ULK4: variants seen among roughly 807,000 people sequenced by gnomAD.
ULK4 encodes the protein inactive serine/threonine-protein kinase ULK4.
Under a neutral mutation model 160.6 loss-of-function variants are expected in ULK4, and 133 were observed. That is an observed-to-expected ratio of 0.83 (90% confidence interval 0.72 to 0.96). The LOEUF (loss-of-function observed/expected upper bound fraction) is 0.96. ULK4 is among the 40% of genes least tolerant of loss of function. The probability of loss-of-function intolerance (pLI) is 0.00; values close to 1 mark genes in which losing one functional copy is unlikely to be tolerated. For missense variants in ULK4, 1,580 were observed against 1,499.5 expected, an observed-to-expected ratio of 1.05 and a Z score of -0.89; for synonymous variants, 534 against 539.8, an observed-to-expected ratio of 0.99 and a Z score of 0.15.
At chr3:41,573,506 G>C (rs1406553633) in intron 31 of ULK4, among the ~76,000 whole-genome samples, 2 of 152,138 alleles carry the variant, frequency 1.3e-5, no homozygotes, top group African/African-American at 2.4e-5. Context: ...AAGTAACAGT[G>C]AACCATGGTC....
At chr3:41,453,815 G>GA in intron 34 of ULK4, among the ~76,000 whole-genome samples, 2 of 151,860 alleles carry the variant, frequency 1.3e-5, no homozygotes, top group East Asian at 3.9e-4. Flanking sequence ...GGATATCATA[G>GA]AAAAATTCCA....
chr3:41,632,942 G>A (rs2033807042), intron 30 of ULK4, among the ~76,000 whole-genome samples: 1 of 152,168 alleles, frequency 6.6e-6, no homozygotes, highest in East Asian at 1.9e-4. Flanking sequence ...GCAGGTGGAG[G>A]AAAGTGCATG....
At chr3:41,334,634 G>A (rs9862900) in intron 35 of ULK4, among the ~76,000 whole-genome samples, 1 of 152,176 alleles carries the variant, frequency 6.6e-6, no homozygotes, top group Admixed American at 6.5e-5. Context: ...TCCACTTCCA[G>A]GGCTCTCCAA....
In ULK4 at chr3:41,663,668, C is replaced by G. The variant is rs1320475602; in HGVS notation, c.3010G>C (p.Val1004Leu). The change falls in exon 30 of 37, where the codon GTA (valine) becomes CTA (leucine). Residue 1004 changes from valine to leucine, a missense_variant. Transcript: ENST00000301831. ...AGCAGTTTCAGAGCATATGCTGGTA[C>G]TGGGTCAGGTTCTAAAAGAATGTGC... ...YEHILLEPDPVPAYALKLLVA... is the reference protein window; with the variant it reads ...YEHILLEPDPLPAYALKLLVA... The G allele has an allele frequency of 6.2e-7, 1 of 1,613,890 alleles. No individual in the cohort carries two copies. Among genetic ancestry groups the G allele is most frequent in the East Asian group, 2.2e-5 (1 of 44,834 alleles).
intron 1 of ULK4, chr3:41,961,802 T>G (rs1700684055): frequency 6.6e-6 from 1 of 152,494 alleles, no homozygotes; most frequent in South Asian, 2.1e-4. Flanking sequence ...GCGTCCCGTG[T>G]GCCCTTAACT....
chr3:41,808,950 C>A (rs1227906150), intron 19 of ULK4, among the ~76,000 whole-genome samples: 2 of 152,064 alleles, frequency 1.3e-5, no homozygotes, highest in African/African-American at 4.8e-5. Flanking sequence ...GGGCGGATCA[C>A]GAGGTCAGAA....
intron 15 of ULK4, among the ~76,000 whole-genome samples, chr3:41,896,195 G>A (rs1194246194): frequency 2.0e-5 from 3 of 152,172 alleles, no homozygotes; most frequent in Non-Finnish European, 4.4e-5. Flanking sequence ...ATTCCACATG[G>A]GGAGTTCATT....
At chr3:41,664,021 A>G (rs1438241218) in intron 29 of ULK4, among the ~76,000 whole-genome samples, 1 of 152,226 alleles carries the variant, frequency 6.6e-6, no homozygotes, top group East Asian at 1.9e-4. Context: ...AAAAACATAC[A>G]GACTCTGAAA....
chr3:41,264,445 G>T (rs1004906180), intron 35 of ULK4, among the ~76,000 whole-genome samples: 10 of 152,252 alleles, frequency 6.6e-5, no homozygotes, highest in African/African-American at 9.6e-5. Flanking sequence ...CTTGGTGGAG[G>T]TGTGAGCCAG....
At position 41,754,349 on chromosome 3, in the gene ULK4, A is replaced by C. The variant is rs9867627; in HGVS notation, c.2321+12T>G. On this transcript the variant is annotated intron_variant, in intron 22 of 36. Coordinates refer to ENST00000301831, the MANE Select transcript of ULK4 (RefSeq NM_017886.4). ...TTGAAGTTACTGATGAAACCATCAG[A>C]GAAAATCTTACCTTGCTTGGCAACT... 283,314 of 1,606,560 alleles carry C rather than the reference A, an allele frequency of 0.18. 27,021 individuals are homozygous for C. The highest frequency in any genetic ancestry group is 0.36 in the African/African-American group (27,159 of 74,444).
At chr3:41,373,228 C>A (rs796258604) in intron 35 of ULK4, among the ~76,000 whole-genome samples, 1 of 151,988 alleles carries the variant, frequency 6.6e-6, no homozygotes, top group African/African-American at 2.4e-5. Flanking sequence ...GGCAGATCAA[C>A]GAAACAGAAA....
chr3:41,859,629 G>T, intron 17 of ULK4: 1 of 473,288 alleles, frequency 2.1e-6, no homozygotes, highest in Non-Finnish European at 4.1e-6. Context: ...CTGCCCCACC[G>T]CTTCATTTCC....
intron 32 of ULK4, among the ~76,000 whole-genome samples, chr3:41,531,747 G>T (rs965232211): frequency 4.9e-4 from 75 of 152,132 alleles, no homozygotes; most frequent in African/African-American, 1.8e-3. Flanking sequence ...GAGTCAAATA[G>T]AGTAGAAATT....
At chr3:41,324,937 CAT>C (rs1198293412) in intron 35 of ULK4, among the ~76,000 whole-genome samples, 1 of 152,082 alleles carries the variant, frequency 6.6e-6, no homozygotes, top group Non-Finnish European at 1.5e-5. Flanking sequence ...GTTGGAAAAA[CAT>C]AGGCACCACG....
At chr3:41,342,699 A>T (rs182074819) in intron 35 of ULK4, among the ~76,000 whole-genome samples, 30 of 152,282 alleles carry the variant, frequency 2.0e-4, no homozygotes, top group African/African-American at 7.0e-4. Flanking sequence ...CTGATACCAA[A>T]ACCTGGCAGA....
chr3:41,556,487 C>CT (rs34888775), intron 32 of ULK4, among the ~76,000 whole-genome samples: 59,289 of 115,672 alleles, frequency 0.51, 16,337 homozygotes, highest in East Asian at 0.6. Context: ...CTCTACCAAA[C>CT]TTTTTTTTTT....
intron 35 of ULK4, among the ~76,000 whole-genome samples, chr3:41,345,647 G>C (rs1274684324): frequency 1.3e-5 from 2 of 152,152 alleles, no homozygotes; most frequent in Non-Finnish European, 2.9e-5. Context: ...GCGGGAAGGA[G>C]AGCATCAGGA....
At chr3:41,769,913 C>A (rs763727575) in intron 21 of ULK4, among the ~76,000 whole-genome samples, 18 of 152,114 alleles carry the variant, frequency 1.2e-4, no homozygotes, top group Non-Finnish European at 2.4e-4. Flanking sequence ...CAACTGATAA[C>A]AGCCTGAAAG....
intron 17 of ULK4, chr3:41,859,447 A>G: frequency 1.8e-6 from 1 of 556,270 alleles, no homozygotes; most frequent in South Asian, 1.4e-5. Flanking sequence ...CAGCCAAAAG[A>G]GATAGCAGAA....
Sources: allele counts gnomAD v4.1 joint callset (sites outside exome capture counted in the v4.1 genomes callset), GRCh38; gene constraint gnomAD v4.1.1; transcripts MANE v1.5; gene names NCBI Gene and HGNC (gene_info 2026-07-23, HGNC 2026-07-21).